The following ARB2A variants were observed in gnomAD, a reference collection of about 807,000 sequenced individuals.
The protein encoded by ARB2A is cotranscriptional regulator ARB2A.
At chr5:94,023,981 T>G in the ARB2A span, among the ~76,000 whole-genome samples, 1 of 152,200 alleles carries the variant, frequency 6.6e-6, no homozygotes, top group Non-Finnish European at 1.5e-5. Context: ...AATAAAGCAG[T>G]AGGCATTAAC....
the ARB2A span, among the ~76,000 whole-genome samples, chr5:93,639,828 C>T: frequency 1.3e-5 from 2 of 151,788 alleles, no homozygotes; most frequent in Admixed American, 6.6e-5. Context: ...AGGAGAATCA[C>T]GAGGTCAGGA....
chr5:94,004,790 T>C, the ARB2A span, among the ~76,000 whole-genome samples: 1 of 151,626 alleles, frequency 6.6e-6, no homozygotes, highest in East Asian at 1.9e-4. Context: ...AATCAATATA[T>C]TACTTGTTTT....
the ARB2A span, among the ~76,000 whole-genome samples, chr5:94,018,544 G>A: frequency 6.6e-6 from 1 of 152,108 alleles, no homozygotes; most frequent in Admixed American, 6.5e-5. Context: ...AACATACTTT[G>A]GGCAGTATGG....
chr5:93,995,550 G>T, the ARB2A span, among the ~76,000 whole-genome samples: 1 of 152,148 alleles, frequency 6.6e-6, no homozygotes, highest in Non-Finnish European at 1.5e-5. Flanking sequence ...AATAATAAAT[G>T]ACTGTTTATT....
At chr5:93,903,879 CAA>C in the ARB2A span, among the ~76,000 whole-genome samples, 2 of 151,816 alleles carry the variant, frequency 1.3e-5, no homozygotes, top group African/African-American at 4.8e-5. Flanking sequence ...TCACTGATTT[CAA>C]AAAGTGAGAA....
chr5:94,040,297 G>A, the ARB2A span, among the ~76,000 whole-genome samples: 9 of 152,174 alleles, frequency 5.9e-5, no homozygotes, highest in East Asian at 1.7e-3. Context: ...GGAAACTTGA[G>A]AGCTAATGGG....
chr5:94,018,448 G>A, the ARB2A span, among the ~76,000 whole-genome samples: 1 of 152,158 alleles, frequency 6.6e-6, no homozygotes. Flanking sequence ...TCTGGACTTG[G>A]TGTAGGTCTC....
At chr5:94,059,352 G>A in the ARB2A span, among the ~76,000 whole-genome samples, 1 of 151,998 alleles carries the variant, frequency 6.6e-6, no homozygotes, top group African/African-American at 2.4e-5. Context: ...GCCAGGCGTG[G>A]TTGCTCATAC....
the ARB2A span, among the ~76,000 whole-genome samples, chr5:93,842,751 A>G: frequency 6.6e-6 from 1 of 152,196 alleles, no homozygotes; most frequent in African/African-American, 2.4e-5. Flanking sequence ...AGTGACATGT[A>G]CATGCTAAAA....
chr5:93,951,128 C>CT, the ARB2A span, among the ~76,000 whole-genome samples: 2 of 152,044 alleles, frequency 1.3e-5, no homozygotes, highest in Non-Finnish European at 2.9e-5. Flanking sequence ...TGCATGTCTC[C>CT]TTTTGAGAAA....
the ARB2A span, among the ~76,000 whole-genome samples, chr5:93,654,661 C>G: frequency 6.6e-6 from 1 of 152,178 alleles, no homozygotes; most frequent in East Asian, 1.9e-4. Flanking sequence ...TTTGAAGACA[C>G]CCTTGGCATA....
chr5:93,826,949 T>C, the ARB2A span, among the ~76,000 whole-genome samples: 1 of 152,120 alleles, frequency 6.6e-6, no homozygotes, highest in Non-Finnish European at 1.5e-5. Context: ...GGCTGCATAG[T>C]ATTCCATGGT....
chr5:93,689,697 C>CT, the ARB2A span, among the ~76,000 whole-genome samples: 2,260 of 146,382 alleles, frequency 0.015, 30 homozygotes, highest in East Asian at 0.038. Context: ...TGTTTTCTCT[C>CT]TTTTTTTTTT....
chr5:93,723,109 T>C, the ARB2A span, among the ~76,000 whole-genome samples: 1 of 152,068 alleles, frequency 6.6e-6, no homozygotes, highest in Admixed American at 6.6e-5. Flanking sequence ...CCCAAAGTCA[T>C]CTCAGTAGAC....
At chr5:94,104,526 C>T in the ARB2A span, among the ~76,000 whole-genome samples, 1 of 151,580 alleles carries the variant, frequency 6.6e-6, no homozygotes, top group Non-Finnish European at 1.5e-5. Context: ...AAGCCTACAC[C>T]CAGAAGAAGT....
At chr5:94,019,829 T>C in the ARB2A span, among the ~76,000 whole-genome samples, 1 of 152,094 alleles carries the variant, frequency 6.6e-6, no homozygotes, top group Non-Finnish European at 1.5e-5. Context: ...AGGACATGAC[T>C]TCACCCCTCC....
chr5:94,022,126 G>A, the ARB2A span, among the ~76,000 whole-genome samples: 118 of 152,152 alleles, frequency 7.8e-4, 2 homozygotes, highest in East Asian at 0.021. Context: ...ACCAACAGGC[G>A]GAGGTTGCAG....
the ARB2A span, among the ~76,000 whole-genome samples, chr5:93,662,738 G>C: frequency 5.3e-5 from 8 of 152,236 alleles, no homozygotes; most frequent in Admixed American, 4.6e-4. Context: ...TCACTGGGTA[G>C]ATGGTAGATG....
At chr5:93,771,317 A>C in the ARB2A span, among the ~76,000 whole-genome samples, 2 of 151,964 alleles carry the variant, frequency 1.3e-5, no homozygotes, top group Non-Finnish European at 2.9e-5. Context: ...AGATGGATTA[A>C]AGACTTAAAC....
Sources: gnomAD v4.1 joint callset for allele counts (sites outside exome capture counted in the v4.1 genomes callset) on GRCh38, gnomAD v4.1.1 for gene constraint, MANE v1.5 for transcripts, NCBI Gene and HGNC (gene_info 2026-07-23, HGNC 2026-07-21) for gene names.